Variants in PTPRB observed in about 807,000 individuals in gnomAD.
PTPRB encodes protein tyrosine phosphatase receptor type B.
PTPRB carries 97 observed loss-of-function variants against 238.1 expected under a neutral mutation model. That is an observed-to-expected ratio of 0.41 (90% CI 0.35 to 0.48). The LOEUF is 0.48. PTPRB is among the 20% of genes least tolerant of loss of function. PTPRB has a pLI of 0.30. For synonymous variants in PTPRB, 970 were observed against 995.4 expected, an observed-to-expected ratio of 0.97 and a Z score of 0.48; for missense variants, 2,292 against 2,681.9, an observed-to-expected ratio of 0.85 and a Z score of 3.21.
intron 3 of PTPRB, among the ~76,000 whole-genome samples, chr12:70,612,561 AT>A (rs1229226799): frequency 4.6e-5 from 7 of 152,106 alleles, no homozygotes; most frequent in African/African-American, 1.7e-4. Context: ...ACTCTGTACC[AT>A]TTCAGGGGAC....
Position 70,516,929 on chromosome 12 carries a change from T to G in PTPRB, c.*4560A>C, listed in dbSNP as rs1250659525. ...CAATCTTTTAAAAAATAAAATGCCTTATTTGTGTTGCATACATTTATTCCG... is the reference window on the plus strand; with the variant it reads ...CAATCTTTTAAAAAATAAAATGCCTGATTTGTGTTGCATACATTTATTCCG... On this transcript the variant is annotated 3_prime_UTR_variant, in exon 34 of 34. Coordinates refer to ENST00000334414, the MANE Select transcript of PTPRB (RefSeq NM_001109754.4). 1 of 152,228 alleles carries G rather than the reference T, an allele frequency of 6.6e-6. No homozygotes were observed. The highest frequency in any genetic ancestry group is 1.5e-5 in the Non-Finnish European group (1 of 68,044). 9.4% of individuals were successfully genotyped at this position (152,228 alleles called of 1,614,324 possible).
intron 2 of PTPRB, among the ~76,000 whole-genome samples, chr12:70,623,134 T>C (rs1885022297): frequency 6.6e-6 from 1 of 152,156 alleles, no homozygotes; most frequent in Non-Finnish European, 1.5e-5. Flanking sequence ...TTGCCTAACT[T>C]CACCACAAAG....
At chr12:70,623,385 C>T (rs1425140755) in intron 2 of PTPRB, among the ~76,000 whole-genome samples, 1 of 152,090 alleles carries the variant, frequency 6.6e-6, no homozygotes, top group Non-Finnish European at 1.5e-5. Context: ...GTTCACTTAG[C>T]CATAATTTTA....
chr12:70,570,377 CTG>C (rs1565957405), intron 13 of PTPRB, among the ~76,000 whole-genome samples: 1 of 151,842 alleles, frequency 6.6e-6, no homozygotes, highest in African/African-American at 2.4e-5. Context: ...GGTAGGGTCT[CTG>C]TCTGTTGTCC....
At chr12:70,636,691 C>G (rs567681504) in intron 1 of PTPRB, among the ~76,000 whole-genome samples, 6 of 152,138 alleles carry the variant, frequency 3.9e-5, no homozygotes, top group Non-Finnish European at 8.8e-5. Context: ...TTCCTTTAGT[C>G]GTGGAGAGGA....
intron 3 of PTPRB, among the ~76,000 whole-genome samples, chr12:70,611,987 A>C (rs915852109): frequency 4.6e-5 from 7 of 152,090 alleles, no homozygotes; most frequent in Non-Finnish European, 7.4e-5. Flanking sequence ...GCCTTTTCCC[A>C]GTTTTATTCC....
In PTPRB at chr12:70,539,091, A is replaced by G. The variant is rs1476481527; in HGVS notation, c.5779-77T>C. ...CAAATCATACAGTCCTGGAGATAAC[A>G]TAATAACATGAAAATATATACACTA... On this transcript the variant is annotated intron_variant, in intron 26 of 33. Transcript: ENST00000334414. 3.0e-5 allele frequency: 34 copies of G among 1,137,792 alleles called. No individual in the cohort carries two copies. The South Asian group carries it at 4.2e-4, about 14-fold the overall frequency. 70.5% of individuals were successfully genotyped at this position (1,137,792 alleles called of 1,614,324 possible). A position where few individuals can be genotyped will look rare whatever the true frequency, so the allele number is the denominator to read the frequency against.
chr12:70,538,124 C>A, intron 28 of PTPRB, 31 bp downstream of exon 28: 1 of 1,585,066 alleles, frequency 6.3e-7, no homozygotes, highest in Non-Finnish European at 8.6e-7. Context: ...AAAGCCTCAT[C>A]CTGAACACTA....
At chr12:70,633,507 G>C (rs572128098) in intron 2 of PTPRB, among the ~76,000 whole-genome samples, 1 of 152,066 alleles carries the variant, frequency 6.6e-6, no homozygotes, top group Admixed American at 6.6e-5. Context: ...ATTTAAGATG[G>C]AGCAGAAAAA....
At chr12:70,597,943 A>G (rs1043403486) in intron 4 of PTPRB, among the ~76,000 whole-genome samples, 1 of 152,216 alleles carries the variant, frequency 6.6e-6, no homozygotes, top group Non-Finnish European at 1.5e-5. Context: ...TGCTAAGTAC[A>G]TCATATTGCA....
intron 4 of PTPRB, among the ~76,000 whole-genome samples, chr12:70,605,404 C>G (rs1349298537): frequency 6.6e-6 from 1 of 152,218 alleles, no homozygotes; most frequent in Non-Finnish European, 1.5e-5. Flanking sequence ...ATTCATCCAT[C>G]TTTCCATTCA....
intron 18 of PTPRB, among the ~76,000 whole-genome samples, chr12:70,557,921 C>G (rs1877943046): frequency 6.6e-6 from 1 of 152,184 alleles, no homozygotes; most frequent in Non-Finnish European, 1.5e-5. Context: ...AGCCAACTGC[C>G]CTCCATTGGC....
At chr12:70,592,908 G>T (rs186440198) in intron 6 of PTPRB, among the ~76,000 whole-genome samples, 2 of 152,220 alleles carry the variant, frequency 1.3e-5, no homozygotes, top group East Asian at 1.9e-4. Context: ...GGCAAATGAG[G>T]CTAGGTCAAA....
intron 20 of PTPRB, among the ~76,000 whole-genome samples, chr12:70,554,488 A>G (rs929937529): frequency 2.0e-5 from 3 of 152,218 alleles, no homozygotes; most frequent in African/African-American, 7.2e-5. Flanking sequence ...TGCTGATATA[A>G]TAAGCTTGAA....
At chr12:70,597,946 A>C (rs146731418) in intron 4 of PTPRB, among the ~76,000 whole-genome samples, 27 of 152,340 alleles carry the variant, frequency 1.8e-4, no homozygotes, top group Non-Finnish European at 3.8e-4. Context: ...TAAGTACATC[A>C]TATTGCAAAA....
intron 14 of PTPRB, 137 bp downstream of exon 14, chr12:70,569,538 G>T: frequency 1.0e-6 from 1 of 985,942 alleles, no homozygotes; most frequent in Non-Finnish European, 1.5e-6. Flanking sequence ...AATGAGTAAG[G>T]CTCTTGAAAC....
At chr12:70,562,103 T>G (rs1046951357) in intron 16 of PTPRB, among the ~76,000 whole-genome samples, 1 of 152,116 alleles carries the variant, frequency 6.6e-6, no homozygotes, top group African/African-American at 2.4e-5. Context: ...GGCCCCCATC[T>G]CTACAAAAAA....
intron 2 of PTPRB, among the ~76,000 whole-genome samples, chr12:70,631,807 C>T (rs560254460): frequency 6.6e-6 from 1 of 152,298 alleles, no homozygotes; most frequent in South Asian, 2.1e-4. Context: ...GACATTTATG[C>T]AGCCAACAGA....
At chr12:70,570,002 A>C in intron 13 of PTPRB, 64 bp from the exon 14 acceptor site, 1 of 1,444,726 alleles carries the variant, frequency 6.9e-7, no homozygotes, top group Non-Finnish European at 9.5e-7. Flanking sequence ...TTTTCAAACA[A>C]AGTTTTGAAT....
Sources: gnomAD v4.1 joint callset for allele counts (sites outside exome capture counted in the v4.1 genomes callset) on GRCh38, gnomAD v4.1.1 for gene constraint, MANE v1.5 for transcripts, NCBI Gene and HGNC (gene_info 2026-07-23, HGNC 2026-07-21) for gene names.